Variants in LRRC27 observed in about 807,000 individuals in gnomAD.
The protein encoded by LRRC27 is leucine rich repeat containing 27, also known as leucine-rich repeat-containing protein 27.
A neutral mutation model predicts 55.0 loss-of-function variants in LRRC27; 57 were observed. The observed-to-expected ratio is 1.04, with a 90% confidence interval of 0.84 to 1.29. LRRC27 has a LOEUF of 1.29. Among genes scored for constraint, LRRC27 ranks in the 50% most tolerant of loss-of-function variants. The probability of loss-of-function intolerance (pLI) is 0.00; values close to 1 mark genes in which losing one functional copy is unlikely to be tolerated. For synonymous variants in LRRC27, 278 were observed against 251.9 expected, an observed-to-expected ratio of 1.10 and a Z score of -0.98; for missense variants, 721 against 651.5, an observed-to-expected ratio of 1.11 and a Z score of -1.16.
intron 10 of LRRC27, chr10:132,366,825 C>T (rs750037133): frequency 1.2e-4 from 154 of 1,261,000 alleles, no homozygotes; most frequent in Middle Eastern, 4.3e-4. Flanking sequence ...CCACCATTTC[C>T]GCTGTTTCCC....
intron 7 of LRRC27, among the ~76,000 whole-genome samples, chr10:132,352,020 C>T (rs113213272): frequency 8.6e-5 from 9 of 104,220 alleles, no homozygotes; most frequent in African/African-American, 3.3e-4. Flanking sequence ...GTGGGGCAGG[C>T]GCTGAGGCCT....
intron 8 of LRRC27, among the ~76,000 whole-genome samples, chr10:132,357,451 C>T (rs568193423): frequency 2.6e-5 from 4 of 152,376 alleles, no homozygotes; most frequent in African/African-American, 7.2e-5. Flanking sequence ...TAAATTGTCA[C>T]ATCCAGACCA....
rs750518310 is a variant in LRRC27 at position 132,375,172 on chromosome 10, C to G, written c.1523C>G (p.Ala508Gly). Residue 508 changes from alanine (A) to glycine (G), a missense_variant, in exon 11 of 11, where the codon GCA (alanine) becomes GGA (glycine). Physicochemically the swap from Ala to Gly is moderately conservative, Grantham distance 60 (BLOSUM62 0). Coordinates refer to ENST00000368614, the MANE Select transcript of LRRC27 (RefSeq NM_030626.3). ...GGAAACCTTTCGCTTGGCCTGCCGG[C>G]AGCACAGCCTCAAAATACATTTTTT... is the stretch of plus-strand genomic sequence containing the variant. ...LTGNLSLGLPAAQPQNTFFNT... is the reference protein window; with the variant it reads ...LTGNLSLGLPGAQPQNTFFNT... 1.2e-6 allele frequency: 2 copies of G among 1,614,124 alleles called. No individual in the cohort carries two copies. Among genetic ancestry groups the G allele is most frequent in the Non-Finnish European group, 1.7e-6 (2 of 1,179,978 alleles).
Position 132,346,808 on chromosome 10 carries a change from C to T in LRRC27, c.554-1176C>T, listed in dbSNP as rs992592685. 1.1e-4 allele frequency among the ~76,000 whole-genome samples: 15 copies of T among 132,526 alleles called. No individual in the cohort carries two copies. In the South Asian group the frequency reaches 1.8e-3, roughly 16 times the overall value. 86.9% of individuals were successfully genotyped at this position (132,526 alleles called of 152,430 possible). A position where few individuals can be genotyped will look rare whatever the true frequency, so the allele number is the denominator to read the frequency against. On this transcript the variant is annotated intron_variant, in intron 5 of 10. Coordinates refer to ENST00000368614, the MANE Select transcript of LRRC27 (RefSeq NM_030626.3). ...GGTCAAATATGCATGTTTCTAGTCA[C>T]TTGTACCCCAGGGGGAATTTTACAA...
intron 4 of LRRC27, among the ~76,000 whole-genome samples, chr10:132,343,848 G>A (rs2748394): frequency 0.27 from 40,792 of 152,164 alleles, 5,795 homozygotes; most frequent in Middle Eastern, 0.36. Flanking sequence ...TCCTCATTCC[G>A]GGGACTTCGC....
chr10:132,339,369 C>T (rs2067288064), intron 3 of LRRC27, among the ~76,000 whole-genome samples: 1 of 152,206 alleles, frequency 6.6e-6, no homozygotes, highest in African/African-American at 2.4e-5. Flanking sequence ...ATGCATCACT[C>T]ACCCTTCAGG....
chr10:132,371,617 G>A (rs1376444899), intron 10 of LRRC27, among the ~76,000 whole-genome samples: 2 of 152,206 alleles, frequency 1.3e-5, no homozygotes. Flanking sequence ...AGAGCCCCAC[G>A]TCTCAGCTGG....
intron 5 of LRRC27, among the ~76,000 whole-genome samples, chr10:132,347,665 G>C (rs2067780755): frequency 6.7e-6 from 1 of 149,770 alleles, no homozygotes; most frequent in Admixed American, 6.6e-5. Flanking sequence ...GCCTGCAGGG[G>C]AGGGTCAGGT....
chr10:132,353,081 T>C, intron 7 of LRRC27: 1 of 1,520,512 alleles, frequency 6.6e-7, no homozygotes, highest in Non-Finnish European at 8.8e-7. Context: ...GCCCCAGGAG[T>C]CCGGCTGGCA....
chr10:132,353,888 C>A (rs907066209), intron 7 of LRRC27, among the ~76,000 whole-genome samples: 1 of 152,246 alleles, frequency 6.6e-6, no homozygotes, highest in African/African-American at 2.4e-5. Flanking sequence ...CCTCAGCAGG[C>A]ATCTCCCTTC....
chr10:132,364,578 CTGGG>C (rs2068910446), intron 9 of LRRC27, among the ~76,000 whole-genome samples: 2 of 39,308 alleles, frequency 5.1e-5, no homozygotes, highest in Non-Finnish European at 1.0e-4. Context: ...CGTCCACACC[CTGGG>C]GCCCCACACT....
At chr10:132,357,030 C>G (rs2068342035) in intron 8 of LRRC27, among the ~76,000 whole-genome samples, 2 of 152,290 alleles carry the variant, frequency 1.3e-5, no homozygotes, top group South Asian at 4.1e-4. Context: ...ACTGCTTGGA[C>G]AGTTCAGGAG....
chr10:132,353,018 G>A, intron 7 of LRRC27: 6 of 1,600,642 alleles, frequency 3.7e-6, no homozygotes, highest in Non-Finnish European at 5.1e-6. Context: ...GGTGTCCTCA[G>A]TGTCTTCTCT....
rs995943031 is a variant in LRRC27, at chr10:132,379,144, C to T, written c.*3902C>T. The stretch of plus-strand genomic sequence containing the variant: ...TGCTCCTCTCCAGCATTTCCTCTCA[C>T]CTCCGTGTTCTCGGGGAGTGCGTGG... On this transcript the variant is annotated 3_prime_UTR_variant, in exon 11 of 11. Coordinates refer to ENST00000368614, the MANE Select transcript of LRRC27 (RefSeq NM_030626.3). 1.3e-5 allele frequency: 2 copies of T among 152,726 alleles called. No homozygotes were observed. Among genetic ancestry groups the T allele is most frequent in the African/African-American group, 5.0e-5 (2 of 40,322 alleles). The allele number at this position is 152,726 out of a possible 1,614,324, so 9.5% of individuals were successfully genotyped here. A position where few individuals can be genotyped will look rare whatever the true frequency, so the allele number is the denominator to read the frequency against.
chr10:132,363,893 T>G (rs1023041069), intron 9 of LRRC27, among the ~76,000 whole-genome samples: 12 of 152,094 alleles, frequency 7.9e-5, no homozygotes, highest in Admixed American at 6.5e-4. Context: ...TGACAGTGTT[T>G]AGGGAAAATC....
At chr10:132,363,484 C>T (rs539963327) in intron 9 of LRRC27, among the ~76,000 whole-genome samples, 74 of 152,238 alleles carry the variant, frequency 4.9e-4, no homozygotes, top group Non-Finnish European at 6.8e-4. Flanking sequence ...TTTCCCATGC[C>T]GACTCTTCAG....
chr10:132,371,716 G>A (rs2069221712), intron 10 of LRRC27, among the ~76,000 whole-genome samples: 2 of 152,244 alleles, frequency 1.3e-5, no homozygotes, highest in Admixed American at 6.5e-5. Context: ...GGCAGGATGT[G>A]AGCAGAAGAT....
intron 10 of LRRC27, among the ~76,000 whole-genome samples, chr10:132,368,968 C>T: frequency 6.6e-6 from 1 of 151,678 alleles, no homozygotes; most frequent in African/African-American, 2.4e-5. Flanking sequence ...AGCAAACAAG[C>T]CAGTTAAAAA....
upstream of LRRC27, chr10:132,331,721 A>T (rs1371933160): frequency 1.2e-6 from 2 of 1,612,272 alleles, no homozygotes; most frequent in Admixed American, 3.3e-5. Flanking sequence ...CCGGCTCCCC[A>T]GACGGCACTT....
Sources: gnomAD v4.1 joint callset for allele counts (sites outside exome capture counted in the v4.1 genomes callset) on GRCh38, gnomAD v4.1.1 for gene constraint, MANE v1.5 for transcripts, NCBI Gene and HGNC (gene_info 2026-07-23, HGNC 2026-07-21) for gene names.